The following ACOT11 variants were observed in gnomAD, a reference collection of about 807,000 sequenced individuals.
The protein encoded by ACOT11 is acyl-CoA thioesterase 11, also known as acyl-coenzyme A thioesterase 11.
In ACOT11, 69 loss-of-function variants were observed where a neutral mutation model predicts 77.5. The observed-to-expected ratio is 0.89, with a 90% confidence interval of 0.73 to 1.09. The LOEUF is 1.09. Among genes scored for constraint, ACOT11 ranks in the 50% least tolerant of loss-of-function variants. ACOT11 has a pLI of 0.00. For missense variants in ACOT11, 766 were observed against 813.7 expected, an observed-to-expected ratio of 0.94 and a Z score of 0.71; for synonymous variants, 279 against 313.0, an observed-to-expected ratio of 0.89 and a Z score of 1.15.
At chr1:54,590,194 C>T (rs1049320527) in intron 3 of ACOT11, among the ~76,000 whole-genome samples, 4 of 152,154 alleles carry the variant, frequency 2.6e-5, no homozygotes, top group African/African-American at 9.7e-5. Flanking sequence ...TTGAGGAAAG[C>T]TGGCCATGTG....
At chr1:54,602,840 C>T (rs1643980932) in intron 10 of ACOT11, 116 bp downstream of exon 10, 2 of 1,109,654 alleles carry the variant, frequency 1.8e-6, no homozygotes, top group Non-Finnish European at 2.4e-6. Context: ...TGGGCCGGGC[C>T]CTTTACATCC....
At chr1:54,561,143 C>G (rs1015936820) in intron 1 of ACOT11, among the ~76,000 whole-genome samples, 1 of 142,686 alleles carries the variant, frequency 7.0e-6, no homozygotes, top group African/African-American at 2.7e-5. Flanking sequence ...TTGGGTGTTT[C>G]TCACAGAGGG....
At chr1:54,567,773 T>C (rs1258102045) in intron 1 of ACOT11, among the ~76,000 whole-genome samples, 1 of 151,996 alleles carries the variant, frequency 6.6e-6, no homozygotes, top group East Asian at 1.9e-4. Context: ...TGCTTCTACC[T>C]CCCAAATACA....
chr1:54,626,537 GA>G (rs1644274089), intron 15 of ACOT11, among the ~76,000 whole-genome samples: 1 of 152,166 alleles, frequency 6.6e-6, no homozygotes, highest in Non-Finnish European at 1.5e-5. Context: ...TGCAGGCAAA[GA>G]AATCAAGGCT....
In ACOT11 at chr1:54,607,904, G is replaced by A. The variant is rs757489306; in HGVS notation, c.1503-38G>A. Reference sequence around the variant, plus strand: ...GAACAGGCCCCCACTTTCTTCTGTGGCTGACCCCTGTCCCCTTGCTACCCT... The same window carrying A: ...GAACAGGCCCCCACTTTCTTCTGTGACTGACCCCTGTCCCCTTGCTACCCT... On this transcript the variant is annotated intron_variant, in intron 14 of 15. Transcript: ENST00000343744. The surrounding 1 kb of genome is among the most constrained non-coding windows in gnomAD (Gnocchi z 4.5). 2.5e-6 allele frequency: 4 copies of A among 1,611,150 alleles called. No individual in the cohort carries two copies. The South Asian group carries it at 4.4e-5, about 18-fold the overall frequency.
chr1:54,566,511 A>G (rs907712557), intron 1 of ACOT11, among the ~76,000 whole-genome samples: 2 of 151,110 alleles, frequency 1.3e-5, no homozygotes, highest in Admixed American at 1.3e-4. Context: ...ATCTTCTTGG[A>G]TGATGTCTGT....
intron 1 of ACOT11, among the ~76,000 whole-genome samples, chr1:54,562,072 C>T (rs1653523435): frequency 1.7e-5 from 1 of 59,448 alleles, no homozygotes; most frequent in Non-Finnish European, 3.2e-5. Context: ...CCGGACAGGG[C>T]GGCTGGCCGG....
chr1:54,549,903 T>A (rs1653003476), intron 1 of ACOT11, among the ~76,000 whole-genome samples: 1 of 152,204 alleles, frequency 6.6e-6, no homozygotes, highest in South Asian at 2.1e-4. Flanking sequence ...CCTTTATGAC[T>A]TTTTCCTTCA....
chr1:54,563,353 G>C (rs1318118537), intron 1 of ACOT11, among the ~76,000 whole-genome samples: 2 of 152,296 alleles, frequency 1.3e-5, no homozygotes, highest in African/African-American at 4.8e-5. Flanking sequence ...CGAAATCTCA[G>C]CTCCATCGCT....
In ACOT11 at chr1:54,557,473, T is replaced by C. The variant is rs956236004; in HGVS notation, c.33+9131T>C. Among the ~76,000 whole-genome samples, 5 of 151,318 alleles carry C rather than the reference T, an allele frequency of 3.3e-5. No individual in the cohort carries two copies. The South Asian group carries it at 8.4e-4, about 25-fold the overall frequency. On this transcript the variant is annotated intron_variant, in intron 1 of 15. Transcript: ENST00000343744. ...GAAAAAAACATTTTAAGAGATAGAG[T>C]CTTGCTATGTTGCCCAGGCTGGTTT...
At chr1:54,566,792 C>T (rs917730998) in intron 1 of ACOT11, among the ~76,000 whole-genome samples, 2 of 152,146 alleles carry the variant, frequency 1.3e-5, no homozygotes, top group Non-Finnish European at 2.9e-5. Context: ...GGAGCACCCA[C>T]GTGTGGCCTC....
chr1:54,555,636 A>G (rs1653232458), intron 1 of ACOT11, among the ~76,000 whole-genome samples: 1 of 152,222 alleles, frequency 6.6e-6, no homozygotes, highest in African/African-American at 2.4e-5. Context: ...ACCCTATCCA[A>G]AAAATTCTTA....
rs777446667 is a variant in ACOT11, at chr1:54,599,445, C to T, written c.884+30C>T. ...GGGTCTGGGATGGGTGCGGCCACGT[C>T]CATTCAGGGCTGAGGGCTCTTCCTG... On this transcript the variant is annotated intron_variant, in intron 8 of 15. Coordinates refer to ENST00000343744, the MANE Select transcript of ACOT11 (RefSeq NM_147161.4). 43 of 1,575,890 alleles carry T rather than the reference C, an allele frequency of 2.7e-5. No homozygotes were observed. In the Middle Eastern group the frequency reaches 6.8e-4, roughly 25 times the overall value.
At chr1:54,633,977 C>G (rs1289289595) in intron 16 of ACOT11, among the ~76,000 whole-genome samples, 2 of 152,198 alleles carry the variant, frequency 1.3e-5, no homozygotes, top group African/African-American at 4.8e-5. Flanking sequence ...TGTCCAAGAA[C>G]AGGACTTAGT....
chr1:54,574,046 A>T (rs1033610489), intron 1 of ACOT11, among the ~76,000 whole-genome samples: 1 of 152,118 alleles, frequency 6.6e-6, no homozygotes, highest in Admixed American at 6.6e-5. Context: ...AAAAAAAAAA[A>T]ATAGTTCATT....
At position 54,549,403 on chromosome 1, in the gene ACOT11, C is replaced by T. The variant is rs900432538; in HGVS notation, c.33+1061C>T. 2.0e-4 allele frequency among the ~76,000 whole-genome samples: 30 copies of T among 152,176 alleles called. 1 individual carries two copies. Among genetic ancestry groups the T allele is most frequent in the African/African-American group, 6.5e-4 (27 of 41,432 alleles). Reference sequence around the variant, plus strand: ...GCTTCAGCCATAGTGAGCTGCTCTCCGCGGCTTCGGTGTCCCACTTTTGTT... The same window carrying T: ...GCTTCAGCCATAGTGAGCTGCTCTCTGCGGCTTCGGTGTCCCACTTTTGTT... On this transcript the variant is annotated intron_variant, in intron 1 of 15. Transcript: ENST00000343744.
rs1473379813 is a variant in ACOT11, at chr1:54,617,538, G to A, written c.1629+9470G>A. Reference sequence around the variant, plus strand: ...ACCCAAACTCTTTATCATAGTCTTCGTGGTCTGTACAATCAGGGCCTGCCA... The same window carrying A: ...ACCCAAACTCTTTATCATAGTCTTCATGGTCTGTACAATCAGGGCCTGCCA... On this transcript the variant is annotated intron_variant, in intron 15 of 16. Coordinates refer to the ACOT11 transcript ENST00000371316. 5.3e-5 allele frequency among the ~76,000 whole-genome samples: 8 copies of A among 150,048 alleles called. No homozygotes were observed. In the East Asian group the frequency reaches 5.9e-4, roughly 11 times the overall value.
intron 1 of ACOT11, among the ~76,000 whole-genome samples, chr1:54,583,940 C>T (rs1396710752): frequency 6.6e-6 from 1 of 152,112 alleles, no homozygotes; most frequent in Non-Finnish European, 1.5e-5. Context: ...CTGATGGGCA[C>T]ACCCCACCTC....
At position 54,585,846 on chromosome 1, in the gene ACOT11, G is replaced by T; in HGVS notation, c.253G>T (p.Ala85Ser). The stretch of plus-strand genomic sequence containing the variant: ...TCTGCTGACACCAGCGGAGAGGCAC[G>T]CTGGCTGCCCCTGTGTCACAGCTTC... ...TTACLSAERH[A>S]GCPCVTASMD... The change falls in exon 3 of 16, where the codon GCT becomes TCT. Residue 85 changes from alanine (A) to serine (S), a missense_variant. Coordinates refer to ENST00000343744, the MANE Select transcript of ACOT11 (RefSeq NM_147161.4). 6.2e-7 allele frequency: 1 copy of T among 1,614,066 alleles called. No homozygotes were observed. Among genetic ancestry groups the T allele is most frequent in the Non-Finnish European group, 8.5e-7 (1 of 1,179,978 alleles).
Sources: allele counts gnomAD v4.1 joint callset (sites outside exome capture counted in the v4.1 genomes callset), GRCh38; gene constraint gnomAD v4.1.1; non-coding constraint Gnocchi (gnomAD v3.1); transcripts MANE v1.5; gene names NCBI Gene and HGNC (gene_info 2026-07-23, HGNC 2026-07-21).